Variants in RTTN observed in about 807,000 individuals in gnomAD.
RTTN encodes the protein rotatin.
Under a neutral mutation model 269.2 loss-of-function variants are expected in RTTN, and 182 were observed. That is an observed-to-expected ratio of 0.68 (90% CI 0.60 to 0.76). The LOEUF is 0.76. Among genes scored for constraint, RTTN ranks in the 30% least tolerant of loss-of-function variants. RTTN has a pLI of 0.00. For missense variants in RTTN, 2,545 were observed against 2,608.6 expected, an observed-to-expected ratio of 0.98 and a Z score of 0.53; for synonymous variants, 1,006 against 963.5, an observed-to-expected ratio of 1.04 and a Z score of -0.82.
At chr18:70,132,630 GAATATA>G (rs750579773) in intron 23 of RTTN, among the ~76,000 whole-genome samples, 43 of 151,934 alleles carry the variant, frequency 2.8e-4, no homozygotes, top group Non-Finnish European at 5.9e-4. Flanking sequence ...CAAATTCGTG[GAATATA>G]CCAAAAGCCA....
chr18:70,124,964 C>T (rs562134902), intron 25 of RTTN, among the ~76,000 whole-genome samples: 1 of 152,168 alleles, frequency 6.6e-6, no homozygotes, highest in South Asian at 2.1e-4. Flanking sequence ...ACTCTAGATA[C>T]CTCTGACAAC....
At chr18:70,149,072 TAATTGTATACATAACTTTTCAACTTGAA>T in intron 16 of RTTN, 35 bp from the exon 17 acceptor site, 1 of 1,587,300 alleles carries the variant, frequency 6.3e-7, no homozygotes, top group Non-Finnish European at 8.6e-7. Flanking sequence ...AATTATTGTC[TAATTGTATACATAACTTTTCAACTTGAA>T]AATAAGAATT....
chr18:70,171,246 A>T (rs911198733), intron 11 of RTTN, among the ~76,000 whole-genome samples: 2 of 152,200 alleles, frequency 1.3e-5, no homozygotes, highest in South Asian at 4.1e-4. Flanking sequence ...AAGAGTTAGG[A>T]AGATAAAGAG....
intron 25 of RTTN, 67 bp downstream of exon 25, chr18:70,127,435 T>C: frequency 6.4e-7 from 1 of 1,555,170 alleles, no homozygotes; most frequent in Non-Finnish European, 8.7e-7. Context: ...TCTTCAAAGG[T>C]TAGGAGATGA....
In RTTN at chr18:70,092,095, C is replaced by A. The variant is rs576605607; in HGVS notation, c.4143+15G>T. On this transcript the variant is annotated intron_variant, in intron 30 of 48. Transcript: ENST00000640769. Reference sequence around the variant, plus strand: ...TAATCTAAACACAATACACTTGATTCTCCTTCACACTCACCTCTGGGTCCC... The same window carrying A: ...TAATCTAAACACAATACACTTGATTATCCTTCACACTCACCTCTGGGTCCC... 1 of 1,524,996 alleles carries A rather than the reference C, an allele frequency of 6.6e-7. No homozygotes were observed. Among genetic ancestry groups the A allele is most frequent in the East Asian group, 2.3e-5 (1 of 44,332 alleles). 94.5% of individuals were successfully genotyped at this position (1,524,996 alleles called of 1,614,324 possible). A position where few individuals can be genotyped will look rare whatever the true frequency, so the allele number is the denominator to read the frequency against.
At chr18:70,176,486 T>C (rs2061304392) in intron 11 of RTTN, among the ~76,000 whole-genome samples, 189 bp downstream of exon 11, 1 of 152,194 alleles carries the variant, frequency 6.6e-6, no homozygotes, top group Non-Finnish European at 1.5e-5. Flanking sequence ...ATCAAATGAT[T>C]TGTCAAAATT....
chr18:70,160,540 C>A (rs1390653016), intron 14 of RTTN, among the ~76,000 whole-genome samples: 7 of 151,430 alleles, frequency 4.6e-5, no homozygotes, highest in Non-Finnish European at 1.0e-4. Context: ...ACTCTCACCA[C>A]TTCTATTCAA....
At chr18:70,079,565 A>T (rs554038300) in intron 32 of RTTN, among the ~76,000 whole-genome samples, 1 of 152,194 alleles carries the variant, frequency 6.6e-6, no homozygotes, top group African/African-American at 2.4e-5. Flanking sequence ...ATAGTGGGGA[A>T]ATTAGAGCAA....
intron 44 of RTTN, chr18:70,021,035 AC>A (rs1260125794): frequency 2.4e-6 from 1 of 413,492 alleles, no homozygotes; most frequent in Non-Finnish European, 4.3e-6. Context: ...ACTTTAAGAC[AC>A]CAGGTTTATT....
chr18:70,124,512 G>GT, intron 25 of RTTN, among the ~76,000 whole-genome samples: 2 of 152,014 alleles, frequency 1.3e-5, no homozygotes, highest in African/African-American at 4.8e-5. Flanking sequence ...ATATTCACAA[G>GT]GCAGCCAAGG....
rs746267460 is a variant in RTTN, at chr18:70,205,666, C to G, written c.-8G>C. On this transcript the variant is annotated 5_prime_UTR_variant, in exon 1 of 49. Coordinates refer to ENST00000640769, the MANE Select transcript of RTTN (RefSeq NM_173630.4). ...GAGCCCTGCCAGGACCATCTCGTCC[C>G]GTCAATCTGCAGCCGCCGGAGAATT... 8 of 1,614,066 alleles carry G rather than the reference C, an allele frequency of 5.0e-6. No individual in the cohort carries two copies. Among genetic ancestry groups the G allele is most frequent in the Non-Finnish European group, 6.8e-6 (8 of 1,180,000 alleles).
rs534454144 is a variant in RTTN, at chr18:70,203,989, G to A, written c.397+97C>T. ...CACAAGAAAAATAAGTTTGGGGGAG[G>A]TGGGAGAAATCCTTTTTAAAAAAAT... On this transcript the variant is annotated intron_variant, in intron 3 of 48. Transcript: ENST00000640769. 1.1e-5 allele frequency: 10 copies of A among 931,376 alleles called. No individual in the cohort carries two copies. The South Asian group carries it at 1.8e-4, about 17-fold the overall frequency. The allele number at this position is 931,376 out of a possible 1,614,324, so 57.7% of individuals were successfully genotyped here.
rs759733715 is a variant in RTTN, at chr18:70,059,830, T to G, written c.4940+20A>C. 1 of 1,527,732 alleles carries G rather than the reference T, an allele frequency of 6.5e-7. No homozygotes were observed. Among genetic ancestry groups the G allele is most frequent in the Non-Finnish European group, 8.9e-7 (1 of 1,126,466 alleles). The allele number at this position is 1,527,732 out of a possible 1,614,324, so 94.6% of individuals were successfully genotyped here. A position where few individuals can be genotyped will look rare whatever the true frequency, so the allele number is the denominator to read the frequency against. Reference sequence around the variant, plus strand: ...ATTTATCTCAACTAACATGCCTCTCTAGGAGTATTTATCTCTTACCTACAG... The same window carrying G: ...ATTTATCTCAACTAACATGCCTCTCGAGGAGTATTTATCTCTTACCTACAG... On this transcript the variant is annotated intron_variant, in intron 36 of 48. Transcript: ENST00000640769.
chr18:70,123,925 C>T (rs2059799999), intron 25 of RTTN, among the ~76,000 whole-genome samples: 1 of 151,904 alleles, frequency 6.6e-6, no homozygotes, highest in Non-Finnish European at 1.5e-5. Flanking sequence ...GGCAGTAGCC[C>T]CTTTCTTCCT....
At position 70,196,665 on chromosome 18, in the gene RTTN, C is replaced by T. The variant is rs368035014; in HGVS notation, c.694-17G>A. 2 of 1,604,626 alleles carry T rather than the reference C, an allele frequency of 1.2e-6. No individual in the cohort carries two copies. The highest frequency in any genetic ancestry group is 2.7e-5 in the African/African-American group (2 of 73,890). ...TAAAAGGCTCTGAAATCAAGAAGAG[C>T]CGTGAAAATTACTAAGGGAACAAAG... On this transcript the variant is annotated splice_polypyrimidine_tract_variant and intron_variant, in intron 6 of 48. Coordinates refer to ENST00000640769, the MANE Select transcript of RTTN (RefSeq NM_173630.4).
chr18:70,068,026 T>A (rs779612437), intron 34 of RTTN, among the ~76,000 whole-genome samples: 1 of 152,206 alleles, frequency 6.6e-6, no homozygotes, highest in Non-Finnish European at 1.5e-5. Flanking sequence ...TAAAATTGAT[T>A]ATGGATGATT....
rs763939884 is a variant in RTTN, at chr18:70,150,654, A to T, written c.2009T>A (p.Val670Asp). 10 of 1,612,522 alleles carry T rather than the reference A, an allele frequency of 6.2e-6. No homozygotes were observed. Among genetic ancestry groups the T allele is most frequent in the Non-Finnish European group, 8.5e-6 (10 of 1,178,818 alleles). The change falls in exon 15 of 49, where the codon GTT becomes GAT. Residue 670 changes from valine to aspartate, a missense_variant. Coordinates refer to ENST00000640769, the MANE Select transcript of RTTN (RefSeq NM_173630.4). ...GCCAAATACAGAGATTTCATACAGA[A>T]CTTTTGGATGAAGTAGAAAATGAAT... Reference protein sequence around the residue: ...NGIHFLLHPKVLYEISVFGIQ... With the variant: ...NGIHFLLHPKDLYEISVFGIQ...
chr18:70,189,583 A>G (rs1242422217), intron 9 of RTTN, among the ~76,000 whole-genome samples: 5 of 152,206 alleles, frequency 3.3e-5, no homozygotes, highest in African/African-American at 1.2e-4. Flanking sequence ...AAGTATTTAA[A>G]AGCATGGACT....
At chr18:70,170,179 T>C (rs904483421) in intron 11 of RTTN, among the ~76,000 whole-genome samples, 1 of 152,206 alleles carries the variant, frequency 6.6e-6, no homozygotes, top group Non-Finnish European at 1.5e-5. Context: ...TCTGCTCACC[T>C]ATTATTCACT....
Sources: gnomAD v4.1 joint callset for allele counts (sites outside exome capture counted in the v4.1 genomes callset) on GRCh38, gnomAD v4.1.1 for gene constraint, MANE v1.5 for transcripts, NCBI Gene and HGNC (gene_info 2026-07-23, HGNC 2026-07-21) for gene names.